The following ZNF197 variants were observed in gnomAD, a reference collection of about 807,000 sequenced individuals.
The protein encoded by ZNF197 is VHL-associated KRAB-A domain-containing protein.
In ZNF197, 14 loss-of-function variants were observed where a neutral mutation model predicts 27.4. The ratio of observed to expected loss-of-function variants is 0.51; its 90% CI spans 0.34 to 0.80. The LOEUF (loss-of-function observed/expected upper bound fraction) is 0.80. ZNF197 is among the 30% of genes least tolerant of loss of function. ZNF197 has a pLI of 0.02. For missense variants in ZNF197, 1,090 were observed against 1,222.6 expected (o/e 0.89, Z 1.62); for synonymous variants, 415 against 420.0 (o/e 0.99, Z 0.15).
Position 44,645,168 on chromosome 3 carries a change from T to TA in ZNF197, c.*949dup. On this transcript the variant is annotated 3_prime_UTR_variant, in exon 6 of 6. Coordinates refer to ENST00000344387, the MANE Select transcript of ZNF197 (RefSeq NM_006991.5). Reference sequence around the variant, plus strand: ...TCCTGTCAGTCAAATGTTGACATGATACCTACCTCACAGGGTTGTTGTGAG... The same window carrying TA: ...TCCTGTCAGTCAAATGTTGACATGATAACCTACCTCACAGGGTTGTTGTGAG... 1 of 966,300 alleles carries TA rather than the reference T, an allele frequency of 1.0e-6. No individual in the cohort carries two copies. Among genetic ancestry groups the TA allele is most frequent in the Non-Finnish European group, 1.2e-6 (1 of 812,594 alleles). The allele number at this position is 966,300 out of a possible 1,614,324, so 59.9% of individuals were successfully genotyped here.
In ZNF197 at chr3:44,647,357, T is replaced by C. The variant is rs1703014935; in HGVS notation, c.*3137T>C. ...ACAGGATCTCATACATTGCTGGGAA[T>C]GTAAAATGGTACAGCCACTCTGGAA... On this transcript the variant is annotated 3_prime_UTR_variant, in exon 6 of 6. Coordinates refer to ENST00000344387, the MANE Select transcript of ZNF197 (RefSeq NM_006991.5). 6.6e-6 allele frequency: 1 copy of C among 152,036 alleles called. No individual in the cohort carries two copies. The highest frequency in any genetic ancestry group is 1.5e-5 in the Non-Finnish European group (1 of 68,000). 9.4% of individuals were successfully genotyped at this position (152,036 alleles called of 1,614,324 possible). A position where few individuals can be genotyped will look rare whatever the true frequency, so the allele number is the denominator to read the frequency against.
chr3:44,643,472 A>C lies in ZNF197; in HGVS notation c.2342A>C (p.Lys781Thr). 2 of 1,614,226 alleles carry C rather than the reference A, an allele frequency of 1.2e-6. No individual in the cohort carries two copies. The highest frequency in any genetic ancestry group is 1.7e-6 in the Non-Finnish European group (2 of 1,180,044). Residue 781 changes from lysine to threonine, a missense_variant, in exon 6 of 6, where the codon AAG becomes ACG. Lys to Thr is a moderately conservative substitution (Grantham distance 78, BLOSUM62 -1). Transcript: ENST00000344387. ...FSSNRNLIEHKRIHSGEKPYE... is the reference protein window; with the variant it reads ...FSSNRNLIEHTRIHSGEKPYE... ...TCAAACAGAAACCTCATTGAGCATA[A>C]GAGAATCCACAGTGGTGAGAAACCC...
At chr3:44,632,695 C>A (rs1169693475) in intron 5 of ZNF197, 96 bp downstream of exon 5, 4 of 1,326,030 alleles carry the variant, frequency 3.0e-6, no homozygotes, top group Admixed American at 2.8e-5. Flanking sequence ...TTGGAAAACA[C>A]CGAATATTAC....
At chr3:44,626,004 T>A (rs1427458576) in intron 1 of ZNF197, among the ~76,000 whole-genome samples, 1 of 152,222 alleles carries the variant, frequency 6.6e-6, no homozygotes, top group East Asian at 1.9e-4. Context: ...GTTAGCTAAG[T>A]GGCCTTGAGT....
chr3:44,627,321 A>G (rs1701725881), intron 1 of ZNF197, among the ~76,000 whole-genome samples: 1 of 152,184 alleles, frequency 6.6e-6, no homozygotes, highest in Non-Finnish European at 1.5e-5. Context: ...TCTCCTCAGA[A>G]TACTGCCTCT....
chr3:44,629,410 G>C lies in ZNF197; in HGVS notation c.256G>C (p.Val86Leu). Residue 86 changes from valine (V) to leucine (L), a missense_variant, in exon 2 of 6, where the codon GTG becomes CTG. Val to Leu is a conservative substitution (Grantham distance 32). Coordinates refer to ENST00000344387, the MANE Select transcript of ZNF197 (RefSeq NM_006991.5). ...CAAGGCACAGATCCTGGAGCTGCTG[G>C]TGCTGGAGCAGTTTCTGAGCATCCT... ...RTKAQILELL[V>L]LEQFLSILPG... The C allele has an allele frequency of 6.2e-7, 1 of 1,614,162 alleles. No homozygotes were observed. The highest frequency in any genetic ancestry group is 8.5e-7 in the Non-Finnish European group (1 of 1,180,014).
chr3:44,629,275 TC>T lies in ZNF197; in HGVS notation c.124del (p.His42ThrfsTer19). On this transcript the variant is annotated frameshift_variant, in exon 2 of 6. Transcript: ENST00000344387. LOFTEE classifies it high-confidence loss of function. Reference protein sequence around the residue: ...QGSSSSVWETSHLHFRQLRYH... With the variant: ...QGSSSSVWETXHLHFRQLRYH... ...AAGTAGCTCCTCTGTTTGGGAGACC[TC>T]CCACCTACACTTTAGACAATTACGT... 1 of 1,614,096 alleles carries T rather than the reference TC, an allele frequency of 6.2e-7. No individual in the cohort carries two copies. Among genetic ancestry groups the T allele is most frequent in the Non-Finnish European group, 8.5e-7 (1 of 1,180,016 alleles).
At position 44,631,237 on chromosome 3, in the gene ZNF197, T is replaced by G. The variant is rs1174640439; in HGVS notation, c.550+16T>G. The G allele has an allele frequency of 2.5e-6, 4 of 1,613,726 alleles. No individual in the cohort carries two copies. Among genetic ancestry groups the G allele is most frequent in the Non-Finnish European group, 3.4e-6 (4 of 1,179,862 alleles). The stretch of plus-strand genomic sequence containing the variant: ...CCTCAGCATGGTATTTACTCAGTGC[T>G]CTGGGTTTTGGGCTGTTCAAGGACC... On this transcript the variant is annotated intron_variant, in intron 3 of 5. Transcript: ENST00000344387.
intron 5 of ZNF197, among the ~76,000 whole-genome samples, chr3:44,638,763 G>A (rs910147862): frequency 1.1e-4 from 16 of 152,076 alleles, no homozygotes; most frequent in Admixed American, 7.2e-4. Context: ...GCGTGATCAC[G>A]GCTCACTACA....
chr3:44,644,930 T>C lies in ZNF197; in HGVS notation c.*710T>C, dbSNP rs1286332317. 4 of 984,198 alleles carry C rather than the reference T, an allele frequency of 4.1e-6. No homozygotes were observed. Among genetic ancestry groups the C allele is most frequent in the Admixed American group, 1.2e-4 (2 of 16,268 alleles). The allele number at this position is 984,198 out of a possible 1,614,324, so 61.0% of individuals were successfully genotyped here. A position where few individuals can be genotyped will look rare whatever the true frequency, so the allele number is the denominator to read the frequency against. On this transcript the variant is annotated 3_prime_UTR_variant, in exon 6 of 6. Coordinates refer to ENST00000344387, the MANE Select transcript of ZNF197 (RefSeq NM_006991.5). ...TGGACATTGTTTTTTAAAATGTGTA[T>C]AGTATGCATTTTAAAGATAGTGTCA...
rs1702547894 is a variant in ZNF197 at position 44,640,654 on chromosome 3, A to C, written c.770-1246A>C. On this transcript the variant is annotated intron_variant, in intron 5 of 5. Transcript: ENST00000344387. This position sits in a 1 kb window ranked among gnomAD's most constrained non-coding sequence, Gnocchi z 4.0. ...CAGCCTCCCAGAGTGCTGGAATTAC[A>C]GGCATGAGCCACCATGCCCGGCCTC... Among the ~76,000 whole-genome samples, 1 of 152,236 alleles carries C rather than the reference A, an allele frequency of 6.6e-6. No individual in the cohort carries two copies. Among genetic ancestry groups the C allele is most frequent in the Admixed American group, 6.5e-5 (1 of 15,282 alleles).
intron 5 of ZNF197, among the ~76,000 whole-genome samples, chr3:44,635,895 A>G (rs1702260809): frequency 6.6e-6 from 1 of 152,222 alleles, no homozygotes; most frequent in Non-Finnish European, 1.5e-5. Context: ...GGAAGGAAAG[A>G]TTTATAACAG....
rs558760246 is a variant in ZNF197 at position 44,629,216 on chromosome 3, A to G, written c.62A>G (p.Asp21Gly). ...CAAGAGGGCCTTGTGAAGGGGAAGGATGATACCTGGAAATGGGGAACCAGC... is the reference window on the plus strand; with the variant it reads ...CAAGAGGGCCTTGTGAAGGGGAAGGGTGATACCTGGAAATGGGGAACCAGC... The part of the protein sequence containing the change: ...LRQEGLVKGK[D>G]DTWKWGTSFQ... Residue 21 changes from aspartate to glycine, a missense_variant, in exon 2 of 6, where the codon GAT becomes GGT. By Grantham distance (94) the Asp-to-Gly change is moderately conservative. Transcript: ENST00000344387. 138 of 1,614,022 alleles carry G rather than the reference A, an allele frequency of 8.6e-5. No individual in the cohort carries two copies. Among genetic ancestry groups the G allele is most frequent in the Non-Finnish European group, 1.1e-4 (132 of 1,180,014 alleles).
rs754367895 is a variant in ZNF197, at chr3:44,642,781, A to T, written c.1651A>T (p.Thr551Ser). Residue 551 changes from threonine (T) to serine (S), a missense_variant, in exon 6 of 6, where the codon ACT (threonine) becomes TCT (serine). Coordinates refer to ENST00000344387, the MANE Select transcript of ZNF197 (RefSeq NM_006991.5). ...DECGKTFAQT[T>S]YLIDHQRLHS... ...ATGTGGAAAGACCTTTGCTCAGACC[A>T]CTTATCTTATTGACCATCAGCGACT... is the stretch of plus-strand genomic sequence containing the variant. 5.0e-6 allele frequency: 8 copies of T among 1,613,576 alleles called. No homozygotes were observed. The South Asian group carries it at 7.7e-5, about 16-fold the overall frequency.
At chr3:44,635,699 AG>A in intron 5 of ZNF197, among the ~76,000 whole-genome samples, 1 of 152,332 alleles carries the variant, frequency 6.6e-6, no homozygotes, top group South Asian at 2.1e-4. Context: ...TGTCAGGCTT[AG>A]CCCCTGCCTT....
rs372247297 is a variant in ZNF197, at chr3:44,643,201, A to C, written c.2071A>C (p.Arg691=). 7.4e-6 allele frequency: 12 copies of C among 1,613,426 alleles called. No homozygotes were observed. The African/African-American group carries it at 1.5e-4, about 20-fold the overall frequency. ...KDCGKVFGSN[R]NLIDHERLHN... is the part of the protein sequence containing the mutation. Reference sequence around the variant, plus strand: ...TTGTGGTAAGGTCTTCGGTTCAAACAGAAACCTCATTGACCATGAGAGACT... The same window carrying C: ...TTGTGGTAAGGTCTTCGGTTCAAACCGAAACCTCATTGACCATGAGAGACT... Residue 691 remains arginine, a synonymous_variant, in exon 6 of 6, where the codon AGA becomes CGA. Transcript: ENST00000344387.
In ZNF197 at chr3:44,642,985, G is replaced by C; in HGVS notation, c.1855G>C (p.Glu619Gln). The change falls in exon 6 of 6, where the codon GAG (glutamate) becomes CAG (glutamine). Residue 619 changes from glutamate (E) to glutamine (Q), a missense_variant. By Grantham distance (29) the Glu-to-Gln change is conservative. Coordinates refer to ENST00000344387, the MANE Select transcript of ZNF197 (RefSeq NM_006991.5). ...TGACCATAAGAGGATGCACAGCAGA[G>C]AGAAACCTTACAAATGCACTGAATG... ...FIDHKRMHSR[E>Q]KPYKCTECGK... 6.2e-7 allele frequency: 1 copy of C among 1,614,014 alleles called. No individual in the cohort carries two copies. The highest frequency in any genetic ancestry group is 1.1e-5 in the South Asian group (1 of 91,056).
At position 44,646,807 on chromosome 3, in the gene ZNF197, C is replaced by A; in HGVS notation, c.*2587C>A. 1 of 352,702 alleles carries A rather than the reference C, an allele frequency of 2.8e-6. No homozygotes were observed. Among genetic ancestry groups the A allele is most frequent in the East Asian group, 5.2e-5 (1 of 19,244 alleles). 21.8% of individuals were successfully genotyped at this position (352,702 alleles called of 1,614,324 possible). On this transcript the variant is annotated 3_prime_UTR_variant, in exon 6 of 6. Transcript: ENST00000344387. ...ACCAGAAATAGACTCACATAAATGG[C>A]CAATTGATTTTTGACAGGGGCAAAA...
Position 44,642,960 on chromosome 3 carries a change from T to C in ZNF197, c.1830T>C (p.Ile610=), listed in dbSNP as rs1702711499. The change falls in exon 6 of 6, where the codon ATT becomes ATC. Residue 610 remains isoleucine (I), a synonymous_variant. Coordinates refer to ENST00000344387, the MANE Select transcript of ZNF197 (RefSeq NM_006991.5). ...GKIFSSKSNF[I]DHKRMHSREK... is the part of the protein sequence containing the mutation. ...TTTTCAGTTCTAAGTCAAACTTCATTGACCATAAGAGGATGCACAGCAGAG... is the reference window on the plus strand; with the variant it reads ...TTTTCAGTTCTAAGTCAAACTTCATCGACCATAAGAGGATGCACAGCAGAG... The C allele has an allele frequency of 6.2e-7, 1 of 1,613,750 alleles. No homozygotes were observed. The highest frequency in any genetic ancestry group is 1.3e-5 in the African/African-American group (1 of 74,872).
Sources: allele counts gnomAD v4.1 joint callset (sites outside exome capture counted in the v4.1 genomes callset), GRCh38; gene constraint gnomAD v4.1.1; non-coding constraint Gnocchi (gnomAD v3.1); transcripts MANE v1.5; gene names NCBI Gene and HGNC (gene_info 2026-07-23, HGNC 2026-07-21).